The following ABI3BP variants were observed in gnomAD, a reference collection of about 807,000 sequenced individuals.
The protein encoded by ABI3BP is target of Nesh-SH3.
Under a neutral mutation model 268.6 loss-of-function variants are expected in ABI3BP, and 216 were observed. That is an observed-to-expected ratio of 0.80 (90% CI 0.72 to 0.90). ABI3BP has a LOEUF of 0.90. Among genes scored for constraint, ABI3BP ranks in the 40% least tolerant of loss-of-function variants. The pLI is 0.00. For synonymous variants in ABI3BP, 730 were observed against 730.0 expected (o/e 1.00, Z 0.00); for missense variants, 2,090 against 2,182.4 (o/e 0.96, Z 0.84).
In ABI3BP at chr3:100,775,953, G is replaced by T. The variant is rs1577268744; in HGVS notation, c.4334-618C>A. 4.6e-5 allele frequency among the ~76,000 whole-genome samples: 7 copies of T among 152,304 alleles called. 1 individual carries two copies. In the South Asian group the frequency reaches 1.4e-3, roughly 32 times the overall value. The stretch of plus-strand genomic sequence containing the variant: ...AAGGGGTGGACATGAGAGCTGTCAG[G>T]AGACTCAGTGGCAGGCATGGAAGAT... On this transcript the variant is annotated intron_variant, in intron 59 of 67. Coordinates refer to ENST00000471714, the MANE Select transcript of ABI3BP (RefSeq NM_001375547.2).
At chr3:100,820,372 G>T in intron 39 of ABI3BP, 69 bp from the exon 40 acceptor site, 1 of 1,210,486 alleles carries the variant, frequency 8.3e-7, no homozygotes, top group Non-Finnish European at 1.1e-6. Flanking sequence ...ATGACATACG[G>T]TTTGAGATCT....
At chr3:100,821,718 C>T (rs111725184) in intron 38 of ABI3BP, among the ~76,000 whole-genome samples, 21,329 of 151,078 alleles carry the variant, frequency 0.14, 1,949 homozygotes, top group South Asian at 0.27. Context: ...ATTCTCTGCC[C>T]CAGCCTCCTG....
chr3:100,918,921 G>A (rs2059454564), intron 2 of ABI3BP, among the ~76,000 whole-genome samples: 1 of 152,182 alleles, frequency 6.6e-6, no homozygotes, highest in Admixed American at 6.5e-5. Flanking sequence ...GTGTTAGGAA[G>A]TTTAAAACTC....
chr3:100,835,796 C>T (rs1019299648), intron 27 of ABI3BP, 136 bp from the exon 28 acceptor site: 9 of 712,730 alleles, frequency 1.3e-5, no homozygotes, highest in Admixed American at 8.7e-5. Flanking sequence ...TTTGTTTTCC[C>T]CTAAGTAGCC....
At chr3:100,884,150 G>A (rs2040760886) in intron 6 of ABI3BP, among the ~76,000 whole-genome samples, 1 of 151,926 alleles carries the variant, frequency 6.6e-6, no homozygotes, top group Non-Finnish European at 1.5e-5. Flanking sequence ...CTTATAAGTA[G>A]TTTTGTTATA....
At chr3:100,890,058 A>G (rs2043818563) in intron 4 of ABI3BP, among the ~76,000 whole-genome samples, 1 of 152,166 alleles carries the variant, frequency 6.6e-6, no homozygotes, top group African/African-American at 2.4e-5. Flanking sequence ...AACTGAATTT[A>G]TGATGTAACT....
chr3:100,860,027 G>A (rs2098980931), intron 14 of ABI3BP, among the ~76,000 whole-genome samples: 1 of 152,102 alleles, frequency 6.6e-6, no homozygotes, highest in African/African-American at 2.4e-5. Flanking sequence ...AGCCGAGATC[G>A]CACCCATCGC....
intron 63 of ABI3BP, among the ~76,000 whole-genome samples, chr3:100,755,523 A>G (rs541434392): frequency 6.6e-6 from 1 of 152,302 alleles, no homozygotes; most frequent in South Asian, 2.1e-4. Context: ...CCCCAAATTC[A>G]TATCGGCCAG....
At chr3:100,881,898 G>A (rs940867421) in intron 6 of ABI3BP, among the ~76,000 whole-genome samples, 3 of 152,090 alleles carry the variant, frequency 2.0e-5, no homozygotes, top group Non-Finnish European at 2.9e-5. Context: ...TATATGTTCT[G>A]GGCACAATTG....
intron 6 of ABI3BP, among the ~76,000 whole-genome samples, chr3:100,878,110 CAG>C (rs2099182216): frequency 6.6e-6 from 1 of 152,082 alleles, no homozygotes. Context: ...TAATCAAAGA[CAG>C]TGTTTATTAT....
At chr3:100,879,889 T>C (rs1271058481) in intron 6 of ABI3BP, among the ~76,000 whole-genome samples, 11 of 152,200 alleles carry the variant, frequency 7.2e-5, no homozygotes, top group Non-Finnish European at 1.2e-4. Context: ...AATATGTCTC[T>C]GCCAACACCT....
chr3:100,818,731 T>C lies in ABI3BP; in HGVS notation c.3032-150A>G, dbSNP rs760509313. On this transcript the variant is annotated intron_variant, in intron 40 of 67. Coordinates refer to ENST00000471714, the MANE Select transcript of ABI3BP (RefSeq NM_001375547.2). ...AAGACTTGGCCATCTTATAGCCAGATAAACAATTTTTTTAAAAGGCACTTA... is the reference window on the plus strand; with the variant it reads ...AAGACTTGGCCATCTTATAGCCAGACAAACAATTTTTTTAAAAGGCACTTA... 8.7e-6 allele frequency: 6 copies of C among 690,742 alleles called. No individual in the cohort carries two copies. In the Admixed American group the frequency reaches 1.6e-4, roughly 19 times the overall value. The allele number at this position is 690,742 out of a possible 1,614,324, so 42.8% of individuals were successfully genotyped here.
At chr3:100,986,520 G>A (rs2091811642) in intron 1 of ABI3BP, among the ~76,000 whole-genome samples, 1 of 151,930 alleles carries the variant, frequency 6.6e-6, no homozygotes, top group Admixed American at 6.6e-5. Flanking sequence ...ATGTTGGAGT[G>A]CAGTGGCACA....
chr3:100,859,486 A>C (rs2098973536), intron 14 of ABI3BP, among the ~76,000 whole-genome samples: 1 of 152,166 alleles, frequency 6.6e-6, no homozygotes, highest in Non-Finnish European at 1.5e-5. Context: ...TCAGTTCTCA[A>C]AATAGTTGCT....
chr3:100,771,847 A>T (rs2096555480), intron 61 of ABI3BP, among the ~76,000 whole-genome samples: 1 of 152,146 alleles, frequency 6.6e-6, no homozygotes, highest in South Asian at 2.1e-4. Context: ...TATTTTAAGA[A>T]ATAATGGTCC....
intron 1 of ABI3BP, among the ~76,000 whole-genome samples, chr3:100,991,521 C>G (rs2092913765): frequency 6.6e-6 from 1 of 152,126 alleles, no homozygotes; most frequent in African/African-American, 2.4e-5. Context: ...AATCAGCTGC[C>G]CTTCCACCCT....
intron 6 of ABI3BP, among the ~76,000 whole-genome samples, chr3:100,878,990 T>C (rs1317763908): frequency 1.3e-5 from 2 of 152,226 alleles, no homozygotes; most frequent in African/African-American, 4.8e-5. Context: ...AATTACCATA[T>C]CCACCTCCTC....
At chr3:100,952,414 T>G (rs2075384327) in intron 1 of ABI3BP, among the ~76,000 whole-genome samples, 1 of 152,184 alleles carries the variant, frequency 6.6e-6, no homozygotes, top group African/African-American at 2.4e-5. Flanking sequence ...TGATTTTTGT[T>G]AATTAAAAAT....
chr3:100,934,798 G>A (rs1332588491), intron 1 of ABI3BP, among the ~76,000 whole-genome samples: 1 of 152,068 alleles, frequency 6.6e-6, no homozygotes, highest in Non-Finnish European at 1.5e-5. Flanking sequence ...AGAAGTGTCT[G>A]TTCATATCCT....
Sources: allele counts gnomAD v4.1 joint callset (sites outside exome capture counted in the v4.1 genomes callset), GRCh38; gene constraint gnomAD v4.1.1; transcripts MANE v1.5; gene names NCBI Gene and HGNC (gene_info 2026-07-23, HGNC 2026-07-21).